The following RBM39 variants were observed in gnomAD, a reference collection of about 807,000 sequenced individuals.
RBM39 encodes the protein RNA binding motif protein 39.
Under a neutral mutation model 79.6 loss-of-function variants are expected in RBM39, and 12 were observed. That is an observed-to-expected ratio of 0.15 (90% CI 0.10 to 0.24). The LOEUF is 0.24. Ranked by LOEUF, RBM39 falls within the 10% of genes least tolerant of loss-of-function variation. RBM39 has a pLI of 1.00. For synonymous variants in RBM39, 185 were observed against 208.4 expected (o/e 0.89, Z 0.97); for missense variants, 243 against 653.4 (o/e 0.37, Z 6.85).
At chr20:35,723,126 G>T (rs183941194) in intron 8 of RBM39, among the ~76,000 whole-genome samples, 1 of 151,524 alleles carries the variant, frequency 6.6e-6, no homozygotes, top group Non-Finnish European at 1.5e-5. Flanking sequence ...ATAACCGAAC[G>T]TAGTTGTTTG....
intron 12 of RBM39, among the ~76,000 whole-genome samples, chr20:35,712,237 G>A (rs2036506662): frequency 6.6e-6 from 1 of 151,814 alleles, no homozygotes; most frequent in Non-Finnish European, 1.5e-5. Context: ...GAGAGGCCAA[G>A]GTGGGCAGAT....
At chr20:35,713,597 T>TTAC (rs1202641255) in intron 11 of RBM39, 1 of 137,832 alleles carries the variant, frequency 7.3e-6, no homozygotes, top group Non-Finnish European at 1.5e-5. Flanking sequence ...ACTGCTGGGA[T>TTAC]TACAGTTGTA....
At chr20:35,706,429 T>C (rs952678373) in intron 14 of RBM39, among the ~76,000 whole-genome samples, 5 of 152,166 alleles carry the variant, frequency 3.3e-5, no homozygotes, top group Non-Finnish European at 7.4e-5. Flanking sequence ...AATTTGGTAC[T>C]GGGAAAACAA....
At chr20:35,717,950 C>T (rs1424534217) in intron 9 of RBM39, among the ~76,000 whole-genome samples, 1 of 152,098 alleles carries the variant, frequency 6.6e-6, no homozygotes, top group African/African-American at 2.4e-5. Flanking sequence ...GCTCTGCCTC[C>T]CGGGTTCACA....
At chr20:35,729,058 T>C (rs2039075789) in intron 6 of RBM39, among the ~76,000 whole-genome samples, 1 of 148,214 alleles carries the variant, frequency 6.7e-6, no homozygotes, top group Admixed American at 7.0e-5. Flanking sequence ...CCTGGGTGAC[T>C]GAGTGAGACT....
chr20:35,726,846 G>C (rs1375316941), intron 6 of RBM39, among the ~76,000 whole-genome samples: 1 of 151,870 alleles, frequency 6.6e-6, no homozygotes, highest in Non-Finnish European at 1.5e-5. Context: ...TTTCTTTTTG[G>C]AAACGCAGTC....
chr20:35,723,556 G>T (rs1044029789), intron 8 of RBM39, among the ~76,000 whole-genome samples: 3 of 151,918 alleles, frequency 2.0e-5, no homozygotes, highest in African/African-American at 7.3e-5. Context: ...CTCCTGCCTC[G>T]GCCTCCTGAG....
Position 35,742,042 on chromosome 20 carries a change from GC to G in RBM39, c.-116del. The stretch of plus-strand genomic sequence containing the variant: ...CCGCCGCTTCTGTTGCTACTGTTAA[GC>G]CCCTAGGCCCAGGCCGCGGAACCGC... On this transcript the variant is annotated 5_prime_UTR_variant, in exon 1 of 17. Transcript: ENST00000253363. 4.6e-6 allele frequency: 1 copy of G among 216,366 alleles called. No individual in the cohort carries two copies. The allele number at this position is 216,366 out of a possible 1,614,324, so 13.4% of individuals were successfully genotyped here. A position where few individuals can be genotyped will look rare whatever the true frequency, so the allele number is the denominator to read the frequency against.
intron 9 of RBM39, among the ~76,000 whole-genome samples, chr20:35,718,414 C>T (rs989042743): frequency 4.6e-5 from 7 of 151,970 alleles, no homozygotes; most frequent in Non-Finnish European, 7.4e-5. Flanking sequence ...AGGCTGGGCT[C>T]GGTGGCTCCC....
Position 35,731,866 on chromosome 20 carries a change from A to G in RBM39, c.296+75T>C. The G allele has an allele frequency of 2.3e-6, 3 of 1,308,918 alleles. No individual in the cohort carries two copies. The South Asian group carries it at 3.8e-5, about 16-fold the overall frequency. The allele number at this position is 1,308,918 out of a possible 1,614,324, so 81.1% of individuals were successfully genotyped here. ...AAAAAAATAAAAATTCACAATTCAA[A>G]TCACTCAAGTTAAACTGCCATCTGA... On this transcript the variant is annotated intron_variant, in intron 4 of 16. Transcript: ENST00000253363.
At chr20:35,737,229 A>G (rs2040024095) in intron 3 of RBM39, among the ~76,000 whole-genome samples, 1 of 151,344 alleles carries the variant, frequency 6.6e-6, no homozygotes, top group Admixed American at 6.6e-5. Flanking sequence ...ATCTCTACCA[A>G]AAGTACAAAA....
At chr20:35,711,222 G>A (rs1354159039) in intron 12 of RBM39, among the ~76,000 whole-genome samples, 1 of 151,988 alleles carries the variant, frequency 6.6e-6, no homozygotes, top group Admixed American at 6.6e-5. Context: ...GGAATACCTA[G>A]AACATGAACT....
chr20:35,736,448 G>T, intron 3 of RBM39: 1 of 312,596 alleles, frequency 3.2e-6, no homozygotes, highest in South Asian at 2.8e-5. Context: ...AAAAATAGTG[G>T]CTTAACAAGC....
At chr20:35,728,685 G>A (rs1428306079) in intron 6 of RBM39, among the ~76,000 whole-genome samples, 3 of 152,102 alleles carry the variant, frequency 2.0e-5, no homozygotes, top group East Asian at 3.9e-4. Flanking sequence ...GCTGAGGCAG[G>A]AGAATCACTT....
intron 3 of RBM39, chr20:35,735,001 C>T: frequency 6.2e-7 from 1 of 1,610,720 alleles, no homozygotes; most frequent in Non-Finnish European, 8.5e-7. Context: ...GGTTATATGG[C>T]CTCTGCAGTA....
chr20:35,706,481 CATT>C (rs1368826673), intron 14 of RBM39, among the ~76,000 whole-genome samples: 1 of 152,074 alleles, frequency 6.6e-6, no homozygotes, highest in Admixed American at 6.5e-5. Context: ...ATACAATTGT[CATT>C]ATATGAAATG....
At chr20:35,723,035 A>T (rs1447262459) in intron 8 of RBM39, among the ~76,000 whole-genome samples, 1 of 152,174 alleles carries the variant, frequency 6.6e-6, no homozygotes. Flanking sequence ...TTCTGATACC[A>T]CAAATACTAA....
At chr20:35,726,346 T>C (rs914458157) in intron 6 of RBM39, among the ~76,000 whole-genome samples, 48 of 151,336 alleles carry the variant, frequency 3.2e-4, no homozygotes, top group African/African-American at 6.3e-4. Flanking sequence ...TTAGCCAGGA[T>C]GGTCTTGATC....
chr20:35,722,412 AAAT>A (rs1468726378), intron 8 of RBM39, among the ~76,000 whole-genome samples: 10,649 of 133,382 alleles, frequency 0.08, 552 homozygotes, highest in Middle Eastern at 0.11. Context: ...GTCTCAAAAA[AAAT>A]AAAAATAAAA....
Sources: gnomAD v4.1 joint callset for allele counts (sites outside exome capture counted in the v4.1 genomes callset) on GRCh38, gnomAD v4.1.1 for gene constraint, MANE v1.5 for transcripts, NCBI Gene and HGNC (gene_info 2026-07-23, HGNC 2026-07-21) for gene names.